HTR1F: variants seen among roughly 807,000 people sequenced by gnomAD.
HTR1F encodes 5-hydroxytryptamine receptor 1F.
In HTR1F, 17 loss-of-function variants were observed where a neutral mutation model predicts 24.0. That is an observed-to-expected ratio of 0.71 (90% CI 0.48 to 1.06). The LOEUF (loss-of-function observed/expected upper bound fraction) is 1.06, where lower values mean the gene tolerates loss of function less well. HTR1F is among the 50% of genes least tolerant of loss of function. The probability of loss-of-function intolerance (pLI) is 0.00; values close to 1 mark genes in which losing one functional copy is unlikely to be tolerated. For synonymous variants in HTR1F, 186 were observed against 156.8 expected (o/e 1.19, Z -1.39); for missense variants, 391 against 427.8 (o/e 0.91, Z 0.76).
At chr3:87,986,151 G>A (rs1189428396) in intron 2 of HTR1F, among the ~76,000 whole-genome samples, 1 of 152,126 alleles carries the variant, frequency 6.6e-6, no homozygotes, top group East Asian at 1.9e-4. Flanking sequence ...ATGGTCCCTA[G>A]CACCATGAAG....
intron 2 of HTR1F, among the ~76,000 whole-genome samples, chr3:87,886,070 A>G (rs1039130173): frequency 5.3e-5 from 8 of 152,218 alleles, no homozygotes; most frequent in Admixed American, 5.2e-4. Flanking sequence ...TCCCTGATGC[A>G]CATCGATGCT....
chr3:87,889,784 TGAC>T (rs1228459419), intron 2 of HTR1F, among the ~76,000 whole-genome samples: 3 of 152,230 alleles, frequency 2.0e-5, no homozygotes, highest in African/African-American at 7.2e-5. Flanking sequence ...TTGCTGAATC[TGAC>T]AAGTGAAATT....
At chr3:87,812,156 G>T (rs530879634) in intron 1 of HTR1F, among the ~76,000 whole-genome samples, 2 of 152,244 alleles carry the variant, frequency 1.3e-5, no homozygotes, top group East Asian at 3.9e-4. Context: ...AAAGAGTGGG[G>T]TACTGCTAGA....
chr3:87,937,996 A>G (rs1201158534), intron 2 of HTR1F, among the ~76,000 whole-genome samples: 4 of 152,146 alleles, frequency 2.6e-5, no homozygotes, highest in African/African-American at 9.7e-5. Context: ...AGGAAGTCAA[A>G]CTATCACTGT....
intron 2 of HTR1F, among the ~76,000 whole-genome samples, chr3:87,950,445 C>A (rs903212295): frequency 6.6e-6 from 1 of 151,460 alleles, no homozygotes; most frequent in Non-Finnish European, 1.5e-5. Context: ...TTCTTTCAAC[C>A]CTTCATTCAT....
chr3:87,905,340 A>T (rs1301158839), intron 2 of HTR1F, among the ~76,000 whole-genome samples: 7 of 151,978 alleles, frequency 4.6e-5, no homozygotes, highest in African/African-American at 1.7e-4. Context: ...TTGTGTAAAA[A>T]AAAAACACCA....
intron 1 of HTR1F, chr3:87,793,358 G>T (rs1222583324): frequency 1.3e-5 from 2 of 152,320 alleles, no homozygotes; most frequent in African/African-American, 4.8e-5. Context: ...GGAGCTGGAA[G>T]AAGCCGTAGA....
chr3:87,903,973 C>T (rs1703593735), intron 2 of HTR1F, among the ~76,000 whole-genome samples: 1 of 152,126 alleles, frequency 6.6e-6, no homozygotes, highest in African/African-American at 2.4e-5. Flanking sequence ...GGTTGCAATA[C>T]ATCTAGCTGA....
intron 2 of HTR1F, among the ~76,000 whole-genome samples, chr3:87,984,638 A>G (rs1345206744): frequency 6.6e-6 from 1 of 151,980 alleles, no homozygotes; most frequent in African/African-American, 2.4e-5. Flanking sequence ...AATTATTTGT[A>G]TTCAGAAGAG....
intron 2 of HTR1F, among the ~76,000 whole-genome samples, chr3:87,922,436 T>C (rs557933926): frequency 9.7e-4 from 148 of 152,198 alleles, no homozygotes; most frequent in African/African-American, 3.5e-3. Flanking sequence ...ATGAATTGTC[T>C]GCAAATATTT....
rs1284678235 is a variant in HTR1F, at chr3:87,991,570, A to G, written c.821A>G (p.His274Arg). 1 of 1,613,974 alleles carries G rather than the reference A, an allele frequency of 6.2e-7. No individual in the cohort carries two copies. The highest frequency in any genetic ancestry group is 2.2e-5 in the East Asian group (1 of 44,888). ...TVRSLRSEFK[H>R]EKSWRRQKIS... is the part of the protein sequence containing the mutation. Reference sequence around the variant, plus strand: ...AGAAGTCTCAGGTCTGAATTCAAGCATGAGAAATCTTGGAGAAGGCAAAAG... The same window carrying G: ...AGAAGTCTCAGGTCTGAATTCAAGCGTGAGAAATCTTGGAGAAGGCAAAAG... The change falls in exon 3 of 3, where the codon CAT (histidine) becomes CGT (arginine). Residue 274 changes from histidine to arginine, a missense_variant. Physicochemically the swap from His to Arg is conservative, Grantham distance 29 (BLOSUM62 0). Transcript: ENST00000319595.
At chr3:87,916,309 G>GAAAAAA (rs34801984) in intron 2 of HTR1F, among the ~76,000 whole-genome samples, 20 of 111,046 alleles carry the variant, frequency 1.8e-4, no homozygotes, top group East Asian at 8.4e-4. Context: ...AAGCAAAAAA[G>GAAAAAA]AAAAAAAAAA....
intron 2 of HTR1F, among the ~76,000 whole-genome samples, chr3:87,975,435 G>C (rs1705373749): frequency 6.6e-6 from 1 of 152,068 alleles, no homozygotes; most frequent in Admixed American, 6.6e-5. Context: ...AGTACTTTAA[G>C]TTTTCCTTTC....
At chr3:87,921,965 T>A (rs1424014217) in intron 2 of HTR1F, among the ~76,000 whole-genome samples, 3 of 152,070 alleles carry the variant, frequency 2.0e-5, no homozygotes, top group African/African-American at 4.8e-5. Flanking sequence ...TCTTTGCTGT[T>A]GTGAATAGTG....
intron 2 of HTR1F, among the ~76,000 whole-genome samples, chr3:87,941,233 A>G (rs1015506725): frequency 5.3e-5 from 8 of 152,206 alleles, no homozygotes; most frequent in African/African-American, 1.9e-4. Flanking sequence ...ATCAGTGTAT[A>G]TAATGGTCTG....
chr3:87,956,941 C>A lies in HTR1F; in HGVS notation c.-42-33767C>A, dbSNP rs139187836. Among the ~76,000 whole-genome samples the A allele has an allele frequency of 1.0e-3, 155 of 150,990 alleles. 1 individual carries two copies. The highest frequency in any genetic ancestry group is 3.6e-3 in the African/African-American group (148 of 41,382). ...GACAGTGTTATCTTTTTTTTCTGAT[C>A]CTCATGAATTATTTTCTCTTGCTTT... On this transcript the variant is annotated intron_variant, in intron 2 of 2. Coordinates refer to ENST00000319595, the MANE Select transcript of HTR1F (RefSeq NM_001322209.2).
At chr3:87,900,583 T>C (rs9817831) in intron 2 of HTR1F, among the ~76,000 whole-genome samples, 9,888 of 152,214 alleles carry the variant, frequency 0.065, 437 homozygotes, top group Non-Finnish European at 0.1. Flanking sequence ...ATGAGCAGAA[T>C]ATAACATAAG....
chr3:87,821,714 A>G (rs1211717193), intron 1 of HTR1F, among the ~76,000 whole-genome samples: 1 of 152,204 alleles, frequency 6.6e-6, no homozygotes, highest in Non-Finnish European at 1.5e-5. Context: ...CTCTAATCAA[A>G]TATCTAGTAG....
intron 2 of HTR1F, among the ~76,000 whole-genome samples, chr3:87,845,400 T>C (rs1204243980): frequency 1.0e-4 from 15 of 150,642 alleles, no homozygotes; most frequent in South Asian, 4.2e-4. Context: ...GGATACAAAA[T>C]CAATGTGCAA....
Sources: allele counts gnomAD v4.1 joint callset (sites outside exome capture counted in the v4.1 genomes callset), GRCh38; gene constraint gnomAD v4.1.1; transcripts MANE v1.5; gene names NCBI Gene and HGNC (gene_info 2026-07-23, HGNC 2026-07-21).